DLC1: variants seen among roughly 807,000 people sequenced by gnomAD.
The protein encoded by DLC1 is DLC1 Rho GTPase activating protein, also known as rho GTPase-activating protein 7.
In DLC1, 54 loss-of-function variants were observed where a neutral mutation model predicts 140.3. That is an observed-to-expected ratio of 0.38 (90% CI 0.31 to 0.48). DLC1 has a LOEUF of 0.48. Among genes scored for constraint, DLC1 ranks in the 20% least tolerant of loss-of-function variants. DLC1 has a pLI of 0.96. For missense variants in DLC1, 2,536 were observed against 1,907.0 expected (o/e 1.33, Z -6.14); for synonymous variants, 986 against 728.1 (o/e 1.35, Z -5.70).
Position 13,085,650 on chromosome 8 carries a change from A to G in DLC1, c.*161T>C, listed in dbSNP as rs1240842231. ...GAATACAGACCCTCAACAAACAGGA[A>G]GCAGCTTTAAAAATGTATCAAATTG... On this transcript the variant is annotated 3_prime_UTR_variant, in exon 18 of 18. Transcript: ENST00000276297. 1.8e-6 allele frequency: 2 copies of G among 1,098,530 alleles called. No individual in the cohort carries two copies. The highest frequency in any genetic ancestry group is 2.5e-5 in the East Asian group (1 of 40,204). 68.0% of individuals were successfully genotyped at this position (1,098,530 alleles called of 1,614,324 possible).
intron 4 of DLC1, among the ~76,000 whole-genome samples, chr8:13,358,138 T>A (rs1056623164): frequency 3.3e-5 from 5 of 152,206 alleles, no homozygotes; most frequent in Admixed American, 2.0e-4. Context: ...TATTTTCCTA[T>A]TCACCGTAAG....
intron 9 of DLC1, 144 bp from the exon 10 acceptor site, chr8:13,098,719 G>A: frequency 2.3e-6 from 2 of 857,828 alleles, no homozygotes; most frequent in South Asian, 2.0e-5. Flanking sequence ...CAGCTCAAGT[G>A]ATCCTCCTGC....
intron 4 of DLC1, among the ~76,000 whole-genome samples, chr8:13,344,019 C>T (rs1218917659): frequency 6.6e-6 from 1 of 152,148 alleles, no homozygotes; most frequent in Non-Finnish European, 1.5e-5. Flanking sequence ...AAAGATTTCT[C>T]AGAATCTTGG....
chr8:13,231,369 C>G (rs551430577), intron 5 of DLC1, among the ~76,000 whole-genome samples: 27 of 152,224 alleles, frequency 1.8e-4, no homozygotes, highest in Non-Finnish European at 3.7e-4. Flanking sequence ...CCACTGATGA[C>G]TGTGTGCATT....
intron 1 of DLC1, among the ~76,000 whole-genome samples, chr8:13,540,344 C>A (rs1803441248): frequency 6.6e-6 from 1 of 152,214 alleles, no homozygotes. Flanking sequence ...TAAATTTAAA[C>A]TAACCGTTCA....
chr8:13,109,279 G>A (rs1451525856), intron 7 of DLC1, among the ~76,000 whole-genome samples: 1 of 151,758 alleles, frequency 6.6e-6, no homozygotes, highest in Non-Finnish European at 1.5e-5. Flanking sequence ...ATACTGAGAT[G>A]GGGTGTGGTG....
chr8:13,521,123 C>A (rs568100974), intron 1 of DLC1, among the ~76,000 whole-genome samples: 18 of 152,116 alleles, frequency 1.2e-4, no homozygotes, highest in African/African-American at 4.1e-4. Flanking sequence ...GAGCTGGAAG[C>A]CATAATCCTC....
At chr8:13,194,098 G>T (rs778925055) in intron 5 of DLC1, among the ~76,000 whole-genome samples, 2 of 152,192 alleles carry the variant, frequency 1.3e-5, no homozygotes, top group Non-Finnish European at 2.9e-5. Context: ...ACCAAAATCT[G>T]CATTCGCTAC....
intron 2 of DLC1, among the ~76,000 whole-genome samples, chr8:13,418,277 G>A (rs1429818800): frequency 6.6e-6 from 1 of 152,144 alleles, no homozygotes; most frequent in Non-Finnish European, 1.5e-5. Flanking sequence ...TTTTAGACAT[G>A]AAGTCCTTGC....
chr8:13,465,939 T>C (rs902955346), intron 2 of DLC1, among the ~76,000 whole-genome samples: 2 of 152,128 alleles, frequency 1.3e-5, no homozygotes. Context: ...CAACCTTCCA[T>C]TTCCTCAAGG....
chr8:13,280,921 A>T (rs570276115), intron 5 of DLC1, among the ~76,000 whole-genome samples: 1 of 152,360 alleles, frequency 6.6e-6, no homozygotes, highest in East Asian at 1.9e-4. Flanking sequence ...CCAGCCCCTG[A>T]AACGGGATGG....
intron 2 of DLC1, among the ~76,000 whole-genome samples, chr8:13,467,316 A>G (rs1051840319): frequency 7.2e-5 from 11 of 152,178 alleles, no homozygotes; most frequent in African/African-American, 2.7e-4. Flanking sequence ...AAGAGAGACA[A>G]TGATAGTATG....
intron 1 of DLC1, among the ~76,000 whole-genome samples, chr8:13,539,801 G>A (rs1406930070): frequency 1.3e-5 from 2 of 151,650 alleles, no homozygotes; most frequent in Non-Finnish European, 2.9e-5. Context: ...TGAATGTTGA[G>A]AAAATTTCAA....
intron 5 of DLC1, among the ~76,000 whole-genome samples, chr8:13,277,777 C>T (rs562516457): frequency 6.6e-6 from 1 of 151,980 alleles, no homozygotes; most frequent in African/African-American, 2.4e-5. Context: ...CATCTAAAGG[C>T]CAGTTCATAA....
intron 1 of DLC1, among the ~76,000 whole-genome samples, chr8:13,537,469 A>T (rs986509235): frequency 1.3e-5 from 2 of 152,102 alleles, no homozygotes; most frequent in Non-Finnish European, 2.9e-5. Context: ...AAAAAAGTAC[A>T]AGTTGTTTTA....
intron 5 of DLC1, among the ~76,000 whole-genome samples, chr8:13,123,320 C>T (rs1423566974): frequency 6.6e-6 from 1 of 151,790 alleles, no homozygotes; most frequent in African/African-American, 2.4e-5. Flanking sequence ...TGTCCCCCTG[C>T]TCCCTGCACC....
At chr8:13,241,595 T>G (rs1206953909) in intron 5 of DLC1, among the ~76,000 whole-genome samples, 1 of 152,148 alleles carries the variant, frequency 6.6e-6, no homozygotes, top group Non-Finnish European at 1.5e-5. Context: ...AGCCTTTCCT[T>G]TCCTTCTCTG....
chr8:13,174,597 T>G (rs547398474), intron 5 of DLC1, among the ~76,000 whole-genome samples: 13 of 152,348 alleles, frequency 8.5e-5, no homozygotes, highest in African/African-American at 3.1e-4. Flanking sequence ...TGGTTTTGAT[T>G]TGCATTTCTC....
intron 5 of DLC1, among the ~76,000 whole-genome samples, chr8:13,237,872 C>G (rs1011111446): frequency 1.3e-5 from 2 of 149,670 alleles, no homozygotes. Context: ...AAAAATAGTA[C>G]TTACCTAATA....
Sources: gnomAD v4.1 joint callset for allele counts (sites outside exome capture counted in the v4.1 genomes callset) on GRCh38, gnomAD v4.1.1 for gene constraint, MANE v1.5 for transcripts, NCBI Gene and HGNC (gene_info 2026-07-23, HGNC 2026-07-21) for gene names.